MRPS27: variants seen among roughly 807,000 people sequenced by gnomAD.
MRPS27 encodes mitochondrial ribosomal protein S27, also known as small ribosomal subunit protein mS27.
MRPS27 carries 43 observed loss-of-function variants against 48.9 expected under a neutral mutation model. That is an observed-to-expected ratio of 0.88 (90% CI 0.69 to 1.13). The LOEUF is 1.13. MRPS27 is among the 50% of genes most tolerant of loss of function. The pLI, the probability that MRPS27 is intolerant of heterozygous loss-of-function variation, is 0.00. For synonymous variants in MRPS27, 188 were observed against 171.9 expected, an observed-to-expected ratio of 1.09 and a Z score of -0.73; for missense variants, 467 against 476.3, an observed-to-expected ratio of 0.98 and a Z score of 0.18.
At chr5:72,270,713 T>C (rs1301199485) in intron 4 of MRPS27, among the ~76,000 whole-genome samples, 2 of 152,126 alleles carry the variant, frequency 1.3e-5, no homozygotes, top group Non-Finnish European at 2.9e-5. Flanking sequence ...GCAAAGAAAT[T>C]TGGAGTCCAG....
At chr5:72,280,482 T>G (rs1028292306) in intron 4 of MRPS27, among the ~76,000 whole-genome samples, 1 of 152,206 alleles carries the variant, frequency 6.6e-6, no homozygotes, top group Non-Finnish European at 1.5e-5. Context: ...AAAAAATGTA[T>G]ATTTCATTCT....
intron 4 of MRPS27, among the ~76,000 whole-genome samples, chr5:72,259,882 G>A (rs1267230220): frequency 1.3e-5 from 2 of 151,946 alleles, no homozygotes; most frequent in Admixed American, 6.6e-5. Flanking sequence ...AAATTTTTAC[G>A]AATATGACAG....
chr5:72,303,491 G>C (rs1348011475), intron 2 of MRPS27, among the ~76,000 whole-genome samples: 1 of 151,892 alleles, frequency 6.6e-6, no homozygotes, highest in African/African-American at 2.4e-5. Flanking sequence ...TTTTAGAATT[G>C]ATAAAAAATA....
intron 4 of MRPS27, among the ~76,000 whole-genome samples, chr5:72,264,314 G>C (rs1427697766): frequency 6.6e-6 from 1 of 152,048 alleles, no homozygotes; most frequent in South Asian, 2.1e-4. Flanking sequence ...AACAGAGATA[G>C]TTATTGCATA....
At chr5:72,231,371 T>A (rs533804049) in intron 7 of MRPS27, among the ~76,000 whole-genome samples, 1 of 152,256 alleles carries the variant, frequency 6.6e-6, no homozygotes, top group East Asian at 1.9e-4. Flanking sequence ...AGGAAGCCCT[T>A]CCTAACCAAT....
chr5:72,240,342 G>C (rs1327679374), intron 4 of MRPS27, among the ~76,000 whole-genome samples: 4 of 152,160 alleles, frequency 2.6e-5, no homozygotes, highest in Non-Finnish European at 5.9e-5. Flanking sequence ...GGGATTGCTA[G>C]AGGCTGAAGG....
In MRPS27 at chr5:72,284,029, T is replaced by G. The variant is rs552540927; in HGVS notation, c.281+11502A>C. 2.0e-5 allele frequency among the ~76,000 whole-genome samples: 3 copies of G among 152,276 alleles called. No homozygotes were observed. The South Asian group carries it at 6.2e-4, about 32-fold the overall frequency. On this transcript the variant is annotated intron_variant, in intron 4 of 10. Coordinates refer to ENST00000261413, the MANE Select transcript of MRPS27 (RefSeq NM_015084.3). ...ACATTTACCAATTTTAATAAAAAATTTACCCTGTTATAAATCTTTCTGAAA... is the reference window on the plus strand; with the variant it reads ...ACATTTACCAATTTTAATAAAAAATGTACCCTGTTATAAATCTTTCTGAAA...
rs1441753475 is a variant in MRPS27 at position 72,219,828 on chromosome 5, T to C, written c.*1081A>G. 2 of 152,350 alleles carry C rather than the reference T, an allele frequency of 1.3e-5. No homozygotes were observed. Among genetic ancestry groups the C allele is most frequent in the Non-Finnish European group, 2.9e-5 (2 of 68,034 alleles). 9.4% of individuals were successfully genotyped at this position (152,350 alleles called of 1,614,324 possible). ...CTGTGTGTACACAAAAGGCTCATTT[T>C]ACCTACTTGATAAATGAGCTGAGAC... On this transcript the variant is annotated 3_prime_UTR_variant, in exon 11 of 11. Transcript: ENST00000261413.
intron 4 of MRPS27, among the ~76,000 whole-genome samples, chr5:72,264,209 T>C (rs1488003962): frequency 1.3e-5 from 2 of 152,080 alleles, no homozygotes; most frequent in Non-Finnish European, 2.9e-5. Context: ...AAACAAAAAG[T>C]AGACTAGGTT....
At chr5:72,310,988 A>C (rs1200209078) in intron 2 of MRPS27, among the ~76,000 whole-genome samples, 1 of 152,210 alleles carries the variant, frequency 6.6e-6, no homozygotes, top group East Asian at 1.9e-4. Context: ...TCCAAGAAAG[A>C]GGAATATTCT....
chr5:72,315,810 G>A (rs1005639764), intron 1 of MRPS27, among the ~76,000 whole-genome samples: 11 of 152,126 alleles, frequency 7.2e-5, no homozygotes, highest in Non-Finnish European at 1.3e-4. Flanking sequence ...GCTTTTTAAA[G>A]AATTTGGTAG....
At chr5:72,288,982 A>G (rs1322164821) in intron 4 of MRPS27, 3 of 152,214 alleles carry the variant, frequency 2.0e-5, no homozygotes, top group African/African-American at 7.2e-5. Flanking sequence ...GGGTGGTGCT[A>G]TAGCCTTCCA....
chr5:72,290,988 C>T (rs769839479), intron 4 of MRPS27, among the ~76,000 whole-genome samples: 2 of 152,052 alleles, frequency 1.3e-5, no homozygotes, highest in South Asian at 2.1e-4. Flanking sequence ...CAAAATAAAG[C>T]GGAAATGCTC....
chr5:72,295,260 G>A (rs759991287), intron 4 of MRPS27: 25 of 260,822 alleles, frequency 9.6e-5, no homozygotes, highest in Non-Finnish European at 1.4e-4. Context: ...AATTACATAC[G>A]TACAAGGTTA....
intron 5 of MRPS27, 117 bp from the exon 6 acceptor site, chr5:72,234,314 A>T (rs1407622720): frequency 9.9e-6 from 9 of 907,998 alleles, no homozygotes. Context: ...AAAATATTTG[A>T]CTATCATTTT....
chr5:72,247,186 C>T (rs1358206802), intron 4 of MRPS27, among the ~76,000 whole-genome samples: 1 of 152,100 alleles, frequency 6.6e-6, no homozygotes, highest in Non-Finnish European at 1.5e-5. Flanking sequence ...GCTTGTATTA[C>T]AATCAAGCAA....
At chr5:72,227,441 C>T (rs1747931649) in intron 8 of MRPS27, 1 of 152,106 alleles carries the variant, frequency 6.6e-6, no homozygotes, top group South Asian at 2.1e-4. Context: ...AAGAATAACA[C>T]ACTACATTCT....
chr5:72,253,209 C>T (rs1332135876), intron 4 of MRPS27, among the ~76,000 whole-genome samples: 4 of 152,112 alleles, frequency 2.6e-5, no homozygotes, highest in Non-Finnish European at 5.9e-5. Context: ...TTTCTAACTT[C>T]CAAGCTTTGC....
In MRPS27 at chr5:72,230,632, A is replaced by T. The variant is rs79025486; in HGVS notation, c.591+1811T>A. On this transcript the variant is annotated intron_variant, in intron 7 of 10. Coordinates refer to ENST00000261413, the MANE Select transcript of MRPS27 (RefSeq NM_015084.3). ...TCATTTGCAAACATTTACACATGGA[A>T]GTATAAGTCTCCACAATTGTATCTC... Among the ~76,000 whole-genome samples the T allele has an allele frequency of 5.1e-3, 775 of 152,276 alleles. 3 individuals carry two copies. The highest frequency in any genetic ancestry group is 0.018 in the African/African-American group (745 of 41,574).
Sources: allele counts gnomAD v4.1 joint callset (sites outside exome capture counted in the v4.1 genomes callset), GRCh38; gene constraint gnomAD v4.1.1; transcripts MANE v1.5; gene names NCBI Gene and HGNC (gene_info 2026-07-23, HGNC 2026-07-21).